The following HIP1R variants were observed in gnomAD, a reference collection of about 807,000 sequenced individuals.
HIP1R encodes huntingtin interacting protein 1 related.
In HIP1R, 135 loss-of-function variants were observed where a neutral mutation model predicts 144.2. That is an observed-to-expected ratio of 0.94 (90% CI 0.81 to 1.08). HIP1R has a LOEUF of 1.08. Ranked by LOEUF, HIP1R falls within the 50% of genes least tolerant of loss-of-function variation. HIP1R has a pLI of 0.00. For synonymous variants in HIP1R, 698 were observed against 612.8 expected (o/e 1.14, Z -2.05); for missense variants, 1,462 against 1,432.8 (o/e 1.02, Z -0.33).
intron 1 of HIP1R, among the ~76,000 whole-genome samples, chr12:122,844,459 A>G (rs1038678930): frequency 6.6e-6 from 1 of 152,124 alleles, no homozygotes; most frequent in Non-Finnish European, 1.5e-5. Flanking sequence ...TGCTTCCTCC[A>G]GAGACCTCCC....
intron 7 of HIP1R, 60 bp from the exon 8 acceptor site, chr12:122,853,983 C>T: frequency 6.3e-7 from 1 of 1,578,206 alleles, no homozygotes; most frequent in Non-Finnish European, 8.6e-7. Flanking sequence ...GTTGGACCAC[C>T]TTGGACAGGT....
chr12:122,854,304 C>T (rs990347680), intron 8 of HIP1R, 121 bp downstream of exon 8: 2 of 622,424 alleles, frequency 3.2e-6, no homozygotes, highest in African/African-American at 3.9e-5. Context: ...CAGTAATAAA[C>T]CCACTGCCCA....
chr12:122,851,061 G>T, intron 6 of HIP1R, 150 bp downstream of exon 6: 1 of 876,402 alleles, frequency 1.1e-6, no homozygotes, highest in South Asian at 1.6e-5. Flanking sequence ...AGGGACAGAG[G>T]GTGAAGTTAA....
chr12:122,849,476 GAAAACACTGC>G (rs2033309430), intron 4 of HIP1R, among the ~76,000 whole-genome samples: 1 of 152,268 alleles, frequency 6.6e-6, no homozygotes, highest in Non-Finnish European at 1.5e-5. Context: ...TTGAAGCGAG[GAAAACACTGC>G]CCATGGTGCC....
chr12:122,857,162 C>T lies in HIP1R; in HGVS notation c.1762C>T (p.Gln588Ter). 1.3e-6 allele frequency: 2 copies of T among 1,550,410 alleles called. No individual in the cohort carries two copies. The highest frequency in any genetic ancestry group is 1.7e-6 in the Non-Finnish European group (2 of 1,146,862). Residue 588 changes from glutamine to a stop codon, truncating the protein, a stop_gained, in exon 18 of 32, where the codon CAG becomes TAG. Coordinates refer to ENST00000253083, the MANE Select transcript of HIP1R (RefSeq NM_003959.3). LOFTEE classifies it high-confidence loss of function. ...GACAGAGGCGGCGCTGAGCCGGGAG[C>T]AGCAGCGCAGCTCCCAGGAGCAGGG... is the stretch of plus-strand genomic sequence containing the variant. Reference protein sequence around the residue: ...RETEAALSREQQRSSQEQGEL... With the variant: ...RETEAALSRE
At position 122,857,051 on chromosome 12, in the gene HIP1R, A is replaced by T. The variant is rs1566112425; in HGVS notation, c.1651A>T (p.Thr551Ser). ...SKSELSSRLD[T>S]LSAEKDALSG... Reference sequence around the variant, plus strand: ...GTCGGAGCTGAGCTCACGGCTGGACACGCTGAGTGCGGAGAAGGATGCTCT... The same window carrying T: ...GTCGGAGCTGAGCTCACGGCTGGACTCGCTGAGTGCGGAGAAGGATGCTCT... The change falls in exon 18 of 32, where the codon ACG (threonine) becomes TCG (serine). Residue 551 changes from threonine to serine, a missense_variant. Around this residue, in one of 2 missense-constraint regions of HIP1R, gnomAD observed 1,112 missense variants for 1,011.7 expected, o/e 1.10. Coordinates refer to ENST00000253083, the MANE Select transcript of HIP1R (RefSeq NM_003959.3). 2 of 1,550,736 alleles carry T rather than the reference A, an allele frequency of 1.3e-6. No individual in the cohort carries two copies. Among genetic ancestry groups the T allele is most frequent in the Admixed American group, 2.0e-5 (1 of 51,220 alleles).
In HIP1R at chr12:122,848,559, G is replaced by A; in HGVS notation, c.251G>A (p.Trp84Ter). ...LPLPSSSILS[W>*]KFCHVLHKVL... ...CTGCCCAGCAGCTCCATTCTCAGCT[G>A]GAAGTTCTGCCACGTCCTCCACAAG... Residue 84 changes from tryptophan (W) to a stop codon, truncating the protein, a stop_gained, in exon 3 of 32, where the codon TGG (tryptophan) becomes TAG (stop). Coordinates refer to ENST00000253083, the MANE Select transcript of HIP1R (RefSeq NM_003959.3). LOFTEE classifies it high-confidence loss of function. 3 of 1,613,222 alleles carry A rather than the reference G, an allele frequency of 1.9e-6. No homozygotes were observed. Among genetic ancestry groups the A allele is most frequent in the Non-Finnish European group, 2.5e-6 (3 of 1,179,988 alleles).
rs767711373 is a variant in HIP1R, at chr12:122,857,011, C to T, written c.1621-10C>T. The stretch of plus-strand genomic sequence containing the variant: ...CTGTTCACATGCCTGGTGTCCATGT[C>T]TGTCCACAGAGCAAGTCGGAGCTGA... On this transcript the variant is annotated splice_polypyrimidine_tract_variant and intron_variant, in intron 17 of 31. Coordinates refer to ENST00000253083, the MANE Select transcript of HIP1R (RefSeq NM_003959.3). 20 of 1,548,166 alleles carry T rather than the reference C, an allele frequency of 1.3e-5. No individual in the cohort carries two copies. The Admixed American group carries it at 2.5e-4, about 20-fold the overall frequency.
At chr12:122,839,325 G>A (rs1205339734) in intron 1 of HIP1R, among the ~76,000 whole-genome samples, 1 of 152,228 alleles carries the variant, frequency 6.6e-6, no homozygotes, top group Non-Finnish European at 1.5e-5. Flanking sequence ...ATTCCTCTCA[G>A]GTTAGGATGA....
chr12:122,850,070 C>T (rs929593604), intron 5 of HIP1R, 115 bp downstream of exon 5: 2 of 753,480 alleles, frequency 2.7e-6, no homozygotes, highest in Admixed American at 2.0e-5. Context: ...TGAGTCTTTC[C>T]ATTCACCTTC....
chr12:122,835,343 G>A (rs1469129040), upstream of HIP1R: 2 of 971,852 alleles, frequency 2.1e-6, no homozygotes, highest in East Asian at 1.1e-4. Context: ...GGGGGCGGGC[G>A]AGGCGTTTGC....
Position 122,835,514 on chromosome 12 carries a change from C to G in HIP1R, c.-37C>G. On this transcript the variant is annotated 5_prime_UTR_variant, in exon 1 of 32. Transcript: ENST00000253083. The stretch of plus-strand genomic sequence containing the variant: ...CCGGACCGTGAGGCTGTGAGTCGCG[C>G]GGACGGAGCCGGACAAAAGCGGGCG... 2.3e-6 allele frequency: 3 copies of G among 1,297,512 alleles called. No homozygotes were observed. The highest frequency in any genetic ancestry group is 3.0e-6 in the Non-Finnish European group (3 of 1,015,262). 80.4% of individuals were successfully genotyped at this position (1,297,512 alleles called of 1,614,324 possible). A position where few individuals can be genotyped will look rare whatever the true frequency, so the allele number is the denominator to read the frequency against.
At chr12:122,859,382 G>GC (rs567148630) in intron 22 of HIP1R, 44 bp from the exon 23 acceptor site, 1 of 1,552,472 alleles carries the variant, frequency 6.4e-7, no homozygotes, top group East Asian at 2.2e-5. Flanking sequence ...CCGTGGGACG[G>GC]GGGGGGACGG....
rs981307732 is a variant in HIP1R at position 122,847,201 on chromosome 12, C to T, written c.94-830C>T. 9.2e-5 allele frequency among the ~76,000 whole-genome samples: 14 copies of T among 151,874 alleles called. No individual in the cohort carries two copies. The East Asian group carries it at 1.7e-3, about 19-fold the overall frequency. ...TGCATGAGAAATACCCCATGCCCCA[C>T]GGAGCCAGGGCCGGGTTGTAGTGAT... On this transcript the variant is annotated intron_variant, in intron 1 of 31. Coordinates refer to ENST00000253083, the MANE Select transcript of HIP1R (RefSeq NM_003959.3).
intron 11 of HIP1R, 36 bp downstream of exon 11, chr12:122,855,441 C>G: frequency 6.4e-7 from 1 of 1,550,572 alleles, no homozygotes; most frequent in Non-Finnish European, 8.7e-7. Context: ...CCCCAGTCCT[C>G]CAGCTGCAGC....
rs1337454279 is a variant in HIP1R, at chr12:122,853,795, TG to T, written c.578-246del. ...TCCTGGGCTCCCAGGTGGAGGTCTC[TG>T]GAAGCCCTTGCTGAGCTGGGCTGGG... On this transcript the variant is annotated intron_variant, in intron 7 of 31. Transcript: ENST00000253083. 35 of 413,916 alleles carry T rather than the reference TG, an allele frequency of 8.5e-5. No individual in the cohort carries two copies. The Admixed American group carries it at 1.5e-3, about 17-fold the overall frequency. 25.6% of individuals were successfully genotyped at this position (413,916 alleles called of 1,614,324 possible).
In HIP1R at chr12:122,855,698, G is replaced by A; in HGVS notation, c.1055+86G>A. 7.2e-6 allele frequency: 11 copies of A among 1,519,876 alleles called. No individual in the cohort carries two copies. The South Asian group carries it at 1.3e-4, about 18-fold the overall frequency. The allele number at this position is 1,519,876 out of a possible 1,614,324, so 94.1% of individuals were successfully genotyped here. Reference sequence around the variant, plus strand: ...GCTCTGGACAGTTCTGTCTGGAAAGGCCATAGGTGGGGAACATGAACCCGT... The same window carrying A: ...GCTCTGGACAGTTCTGTCTGGAAAGACCATAGGTGGGGAACATGAACCCGT... On this transcript the variant is annotated intron_variant, in intron 12 of 31. Transcript: ENST00000253083.
intron 7 of HIP1R, 73 bp downstream of exon 7, chr12:122,851,370 A>G: frequency 1.6e-6 from 2 of 1,272,904 alleles, no homozygotes; most frequent in Admixed American, 2.8e-5. Flanking sequence ...AGAAGAAAAA[A>G]GAAGACATGA....
chr12:122,857,548 G>C, intron 18 of HIP1R: 1 of 466,764 alleles, frequency 2.1e-6, no homozygotes, highest in Non-Finnish European at 4.0e-6. Context: ...TTGAGCACAA[G>C]TTTCTGTGTA....
Sources: allele counts gnomAD v4.1 joint callset (sites outside exome capture counted in the v4.1 genomes callset), GRCh38; gene constraint gnomAD v4.1.1; regional missense constraint gnomAD v4.1.1; transcripts MANE v1.5; gene names NCBI Gene and HGNC (gene_info 2026-07-23, HGNC 2026-07-21).